Variants in GSE1 observed in about 807,000 individuals in gnomAD.
The protein encoded by GSE1 is genetic suppressor element 1.
GSE1 carries 32 observed loss-of-function variants against 112.6 expected under a neutral mutation model. The observed-to-expected ratio is 0.28, with a 90% CI of 0.21 to 0.38. GSE1 has a LOEUF of 0.38. Among genes scored for constraint, GSE1 ranks in the 10% least tolerant of loss-of-function variants. The pLI is 1.00. For synonymous variants in GSE1, 1,115 were observed against 735.6 expected (o/e 1.52, Z -8.35); for missense variants, 2,348 against 1,699.2 (o/e 1.38, Z -6.71).
rs923898498 is a variant in GSE1 at position 85,314,864 on chromosome 16, A to C, written c.2284-42599A>C. Among the ~76,000 whole-genome samples, 3 of 152,090 alleles carry C rather than the reference A, an allele frequency of 2.0e-5. No individual in the cohort carries two copies. The South Asian group carries it at 6.2e-4, about 32-fold the overall frequency. Reference sequence around the variant, plus strand: ...GGAGAGGAGACAGAACCATCCTGGGACCCTCCCAGCTAAGCATTCTGGGCC... The same window carrying C: ...GGAGAGGAGACAGAACCATCCTGGGCCCCTCCCAGCTAAGCATTCTGGGCC... On this transcript the variant is annotated intron_variant, in intron 1 of 2. Transcript: ENST00000637419.
chr16:85,316,035 C>A (rs1442690281), intron 1 of GSE1, among the ~76,000 whole-genome samples: 3 of 152,340 alleles, frequency 2.0e-5, no homozygotes, highest in South Asian at 4.1e-4. Flanking sequence ...CGCTCAGAGC[C>A]ATCGAATGTC....
intron 1 of GSE1, among the ~76,000 whole-genome samples, chr16:85,196,859 A>G (rs1357841116): frequency 1.3e-5 from 2 of 152,050 alleles, no homozygotes; most frequent in African/African-American, 2.4e-5. Context: ...AGCAGAATCC[A>G]TTTTTAACTG....
chr16:85,267,117 G>A (rs1307901585), intron 1 of GSE1, among the ~76,000 whole-genome samples: 1 of 152,196 alleles, frequency 6.6e-6, no homozygotes, highest in East Asian at 1.9e-4. Context: ...ACGAGCCTTG[G>A]TGGGAAATGA....
intron 2 of GSE1, among the ~76,000 whole-genome samples, chr16:85,424,692 G>A (rs1450617524): frequency 6.6e-6 from 1 of 152,234 alleles, no homozygotes; most frequent in East Asian, 1.9e-4. Flanking sequence ...CCTCGGAATC[G>A]CTAATGTTCC....
intron 1 of GSE1, among the ~76,000 whole-genome samples, chr16:85,342,614 CTG>C (rs2046648681): frequency 1.3e-5 from 2 of 152,284 alleles, no homozygotes; most frequent in South Asian, 2.1e-4. Context: ...GGATCTGTCT[CTG>C]TGAGGTTCAA....
chr16:85,653,606 T>C (rs1269516332), intron 3 of GSE1, among the ~76,000 whole-genome samples: 3 of 151,852 alleles, frequency 2.0e-5, no homozygotes. Flanking sequence ...AGCTGTTGCC[T>C]TCCCTGCCCC....
At position 85,662,927 on chromosome 16, in the gene GSE1, C is replaced by T. The variant is rs531271457; in HGVS notation, c.2261-54C>T. ...ACACATGAGGCCCTGCGGGCATGTC[C>T]ACTGGACAGATGAAGGCTCTTTGTC... On this transcript the variant is annotated intron_variant, in intron 9 of 15. Coordinates refer to ENST00000253458, the MANE Select transcript of GSE1 (RefSeq NM_014615.5). 5 of 1,254,698 alleles carry T rather than the reference C, an allele frequency of 4.0e-6. No homozygotes were observed. In the African/African-American group the frequency reaches 4.4e-5, roughly 11 times the overall value. 77.7% of individuals were successfully genotyped at this position (1,254,698 alleles called of 1,614,324 possible). A position where few individuals can be genotyped will look rare whatever the true frequency, so the allele number is the denominator to read the frequency against.
intron 2 of GSE1, among the ~76,000 whole-genome samples, chr16:85,498,994 G>A (rs2051272850): frequency 6.6e-6 from 1 of 152,264 alleles, no homozygotes; most frequent in African/African-American, 2.4e-5. Flanking sequence ...GGGGAGAAGG[G>A]CAGGGCTAGG....
chr16:85,366,253 C>G (rs1008605303), intron 2 of GSE1, among the ~76,000 whole-genome samples: 3 of 152,280 alleles, frequency 2.0e-5, no homozygotes, highest in African/African-American at 7.2e-5. Flanking sequence ...CAAGCGGCAG[C>G]TGCTCCGGAG....
chr16:85,532,695 G>A (rs1410292505), intron 2 of GSE1, among the ~76,000 whole-genome samples: 2 of 152,210 alleles, frequency 1.3e-5, no homozygotes, highest in African/African-American at 4.8e-5. Flanking sequence ...CTCCAGCATC[G>A]GGTGGAAGGC....
chr16:85,267,549 C>G (rs1319872211), intron 1 of GSE1, among the ~76,000 whole-genome samples: 1 of 152,252 alleles, frequency 6.6e-6, no homozygotes, highest in East Asian at 1.9e-4. Context: ...TTAGCCACCC[C>G]CTGCGAGCTT....
At chr16:85,670,642 G>A (rs940333923) in intron 14 of GSE1, 1 of 161,944 alleles carries the variant, frequency 6.2e-6, no homozygotes, top group African/African-American at 2.4e-5. Context: ...TTAAATCTGT[G>A]CTTTAGGTGT....
chr16:85,609,522 C>T (rs908185558), upstream of GSE1, among the ~76,000 whole-genome samples: 1 of 152,240 alleles, frequency 6.6e-6, no homozygotes, highest in Non-Finnish European at 1.5e-5. Context: ...ACCGCCCACC[C>T]TCTGTGGTTC....
At chr16:85,464,414 T>C (rs2050066696) in intron 2 of GSE1, among the ~76,000 whole-genome samples, 1 of 152,162 alleles carries the variant, frequency 6.6e-6, no homozygotes, top group Non-Finnish European at 1.5e-5. Flanking sequence ...CAAAACTCTC[T>C]TCTTATTTGG....
chr16:85,611,541 A>G (rs1480745190), upstream of GSE1: 1 of 923,176 alleles, frequency 1.1e-6, no homozygotes, highest in Admixed American at 6.2e-5. Context: ...GGTAGGAGCC[A>G]GTAACGGCCC....
intron 1 of GSE1, among the ~76,000 whole-genome samples, chr16:85,578,590 T>A (rs1034228964): frequency 6.6e-6 from 1 of 152,212 alleles, no homozygotes; most frequent in South Asian, 2.1e-4. Context: ...GCTAACTGAC[T>A]TGCCCAGCAT....
chr16:85,173,220 C>A (rs776241137), intron 1 of GSE1, among the ~76,000 whole-genome samples: 5 of 152,210 alleles, frequency 3.3e-5, no homozygotes, highest in Non-Finnish European at 7.3e-5. Flanking sequence ...GAGGCCTTCT[C>A]ATCTCATTTT....
chr16:85,215,329 A>C (rs115301545), intron 1 of GSE1, among the ~76,000 whole-genome samples: 1 of 152,096 alleles, frequency 6.6e-6, no homozygotes, highest in Non-Finnish European at 1.5e-5. Flanking sequence ...ATACGTTCTC[A>C]CTTGTAGGTG....
intron 1 of GSE1, among the ~76,000 whole-genome samples, chr16:85,310,864 GGCA>G (rs1318391329): frequency 6.8e-6 from 1 of 148,026 alleles, no homozygotes; most frequent in East Asian, 2.1e-4. Flanking sequence ...TGGGCTGCAA[GGCA>G]GTGCACAGCC....
Sources: allele counts gnomAD v4.1 joint callset (sites outside exome capture counted in the v4.1 genomes callset), GRCh38; gene constraint gnomAD v4.1.1; transcripts MANE v1.5; gene names NCBI Gene and HGNC (gene_info 2026-07-23, HGNC 2026-07-21).